The following PHKB variants were observed in gnomAD, a reference collection of about 807,000 sequenced individuals.
The protein encoded by PHKB is phosphorylase kinase regulatory subunit beta.
A neutral mutation model predicts 152.1 loss-of-function variants in PHKB; 122 were observed. That is an observed-to-expected ratio of 0.80 (90% CI 0.69 to 0.93). PHKB has a LOEUF of 0.93. PHKB is among the 40% of genes least tolerant of loss of function. The probability of loss-of-function intolerance (pLI) is 0.00; values close to 1 mark genes in which losing one functional copy is unlikely to be tolerated. For missense variants in PHKB, 1,304 were observed against 1,328.4 expected (o/e 0.98, Z 0.29); for synonymous variants, 436 against 464.9 (o/e 0.94, Z 0.80).
chr16:47,675,519 A>ACACTCTCTCT lies in PHKB; in HGVS notation c.2630+6103_2630+6104insACTCTCTCTC, dbSNP rs1491544334. 1.3e-3 allele frequency: 115 copies of ACACTCTCTCT among 88,086 alleles called. 2 individuals are homozygous for ACACTCTCTCT. The highest frequency in any genetic ancestry group is 3.3e-3 in the African/African-American group (106 of 32,154). The allele number at this position is 88,086 out of a possible 1,614,324, so 5.5% of individuals were successfully genotyped here. ...CACACGTACACACACACACACACAC[A>ACACTCTCTCT]CTCTCTCTCTCTCTCTCTCTCTCTC... On this transcript the variant is annotated intron_variant, in intron 26 of 30. Coordinates refer to ENST00000323584, the MANE Select transcript of PHKB (RefSeq NM_000293.3).
chr16:47,646,395 G>A (rs1241378065), intron 16 of PHKB, among the ~76,000 whole-genome samples: 4 of 100,520 alleles, frequency 4.0e-5, no homozygotes, highest in African/African-American at 1.2e-4. Context: ...TCGGGGGAGG[G>A]GGGAGGGATA....
chr16:47,501,664 TA>T (rs1453835911), intron 3 of PHKB, among the ~76,000 whole-genome samples: 1 of 152,212 alleles, frequency 6.6e-6, no homozygotes, highest in Non-Finnish European at 1.5e-5. Context: ...ATGGTGAATC[TA>T]AGTGACGACC....
chr16:47,648,644 G>C, intron 17 of PHKB, 28 bp downstream of exon 17: 2 of 1,478,380 alleles, frequency 1.4e-6, no homozygotes, highest in Non-Finnish European at 1.9e-6. Context: ...TCAAAAAGTA[G>C]TTTTTGGATT....
rs180816551 is a variant in PHKB at position 47,501,597 on chromosome 16, G to A, written c.306-1394G>A. Among the ~76,000 whole-genome samples, 9 of 152,232 alleles carry A rather than the reference G, an allele frequency of 5.9e-5. No individual in the cohort carries two copies. In the East Asian group the frequency reaches 1.5e-3, roughly 26 times the overall value. On this transcript the variant is annotated intron_variant, in intron 3 of 30. Coordinates refer to ENST00000323584, the MANE Select transcript of PHKB (RefSeq NM_000293.3). ...GTAGGAGTGAAGGGTCATGATGTTCGTAGCTTACTTTCAAACAATGAAGAA... is the reference window on the plus strand; with the variant it reads ...GTAGGAGTGAAGGGTCATGATGTTCATAGCTTACTTTCAAACAATGAAGAA...
In PHKB at chr16:47,597,447, C is replaced by T. The variant is rs1390091489; in HGVS notation, c.1363+916C>T. 2.0e-5 allele frequency among the ~76,000 whole-genome samples: 3 copies of T among 151,962 alleles called. No individual in the cohort carries two copies. The East Asian group carries it at 5.8e-4, about 29-fold the overall frequency. ...TATGTAAGAACAGGCAGAAGCTAAC[C>T]AAATAAGTGAAAACTAAGTTAATGC... On this transcript the variant is annotated intron_variant, in intron 13 of 30. Transcript: ENST00000323584.
chr16:47,651,432 T>A (rs1973236096), intron 20 of PHKB, among the ~76,000 whole-genome samples: 1 of 152,348 alleles, frequency 6.6e-6, no homozygotes, highest in South Asian at 2.1e-4. Flanking sequence ...TTACTGTGTC[T>A]TGAATTTTGT....
intron 26 of PHKB, among the ~76,000 whole-genome samples, chr16:47,684,325 A>C (rs1053754033): frequency 9.2e-5 from 14 of 151,936 alleles, no homozygotes; most frequent in Admixed American, 5.2e-4. Flanking sequence ...ACCGTGTCTC[A>C]AAAAAAATAA....
intron 6 of PHKB, among the ~76,000 whole-genome samples, chr16:47,542,390 T>C (rs1971076086): frequency 6.6e-6 from 1 of 152,178 alleles, no homozygotes; most frequent in African/African-American, 2.4e-5. Flanking sequence ...CCATGCTGTT[T>C]TGGTTATTGT....
At chr16:47,477,898 C>G (rs554207964) in intron 1 of PHKB, among the ~76,000 whole-genome samples, 1 of 152,134 alleles carries the variant, frequency 6.6e-6, no homozygotes, top group Non-Finnish European at 1.5e-5. Flanking sequence ...ATTTAATAGG[C>G]CTTGTGTGTC....
chr16:47,545,317 G>T (rs1466823155), intron 6 of PHKB, among the ~76,000 whole-genome samples: 1 of 152,124 alleles, frequency 6.6e-6, no homozygotes, highest in Non-Finnish European at 1.5e-5. Flanking sequence ...GCATTTGCTT[G>T]TCAGTAAAGG....
chr16:47,628,881 T>C (rs904492038), intron 14 of PHKB, among the ~76,000 whole-genome samples: 3 of 151,848 alleles, frequency 2.0e-5, no homozygotes, highest in African/African-American at 7.3e-5. Context: ...TATCTACAAC[T>C]ATCTGATCTT....
intron 1 of PHKB, among the ~76,000 whole-genome samples, chr16:47,489,806 A>G (rs928957406): frequency 6.6e-6 from 1 of 151,778 alleles, no homozygotes; most frequent in African/African-American, 2.4e-5. Flanking sequence ...TTCCAGTGAA[A>G]TCTTGGTAAA....
intron 13 of PHKB, among the ~76,000 whole-genome samples, chr16:47,608,425 T>TA (rs903909596): frequency 2.0e-5 from 3 of 152,306 alleles, no homozygotes; most frequent in East Asian, 1.9e-4. Context: ...TATTTGTCAA[T>TA]AAAAAAACTT....
chr16:47,516,225 C>T (rs935947172), intron 6 of PHKB, among the ~76,000 whole-genome samples: 1 of 152,152 alleles, frequency 6.6e-6, no homozygotes, highest in African/African-American at 2.4e-5. Context: ...CGTGCCCGGC[C>T]TCTTTCTTTT....
intron 1 of PHKB, among the ~76,000 whole-genome samples, chr16:47,483,697 A>G (rs1970004492): frequency 6.6e-6 from 1 of 152,210 alleles, no homozygotes; most frequent in East Asian, 1.9e-4. Flanking sequence ...AATAGAACAC[A>G]CTCAATAGAA....
chr16:47,628,393 G>A (rs895399347), intron 14 of PHKB, among the ~76,000 whole-genome samples: 16 of 152,042 alleles, frequency 1.1e-4, no homozygotes, highest in East Asian at 7.7e-4. Flanking sequence ...TTAGCCAGGC[G>A]TGGTGGCAGG....
intron 1 of PHKB, among the ~76,000 whole-genome samples, chr16:47,468,866 T>C (rs1355494201): frequency 2.0e-5 from 3 of 152,174 alleles, no homozygotes; most frequent in Non-Finnish European, 2.9e-5. Flanking sequence ...CTAATAGCTA[T>C]TTTATCTGCC....
intron 14 of PHKB, among the ~76,000 whole-genome samples, chr16:47,630,276 G>A (rs1356147999): frequency 6.6e-6 from 1 of 152,172 alleles, no homozygotes; most frequent in Non-Finnish European, 1.5e-5. Flanking sequence ...GAGGTCAGGA[G>A]TTCAAGACCT....
chr16:47,698,483 C>A lies in PHKB; in HGVS notation c.3039C>A (p.Asn1013Lys), dbSNP rs151222947. ...TTGTATCCATTGTACTGGAAAGAAA[C>A]CCCGAGCTAGAATTTCAAGACAAAG... ...LMVVSIVLER[N>K]PELEFQDKVD... is the part of the protein sequence containing the mutation. Residue 1013 changes from asparagine to lysine, a missense_variant, in exon 30 of 31, where the codon AAC becomes AAA. Physicochemically the swap from Asn to Lys is moderately conservative, Grantham distance 94. Coordinates refer to ENST00000323584, the MANE Select transcript of PHKB (RefSeq NM_000293.3). The A allele has an allele frequency of 1.1e-5, 17 of 1,611,344 alleles. No homozygotes were observed. Among genetic ancestry groups the A allele is most frequent in the Admixed American group, 3.3e-5 (2 of 59,978 alleles).
Sources: gnomAD v4.1 joint callset for allele counts (sites outside exome capture counted in the v4.1 genomes callset) on GRCh38, gnomAD v4.1.1 for gene constraint, MANE v1.5 for transcripts, NCBI Gene and HGNC (gene_info 2026-07-23, HGNC 2026-07-21) for gene names.